NEMP2: variants seen among roughly 807,000 people sequenced by gnomAD.
NEMP2 encodes UPF0571 transmembrane protein.
A neutral mutation model predicts 54.2 loss-of-function variants in NEMP2; 53 were observed. The observed-to-expected ratio is 0.98, with a 90% CI of 0.78 to 1.23. The LOEUF is 1.23. NEMP2 is among the 50% of genes most tolerant of loss of function. NEMP2 has a pLI of 0.00. For synonymous variants in NEMP2, 197 were observed against 190.3 expected (o/e 1.04, Z -0.29); for missense variants, 455 against 511.3 (o/e 0.89, Z 1.06).
chr2:190,591,610 A>G, the NEMP2 span, among the ~76,000 whole-genome samples: 1 of 152,188 alleles, frequency 6.6e-6, no homozygotes, highest in Non-Finnish European at 1.5e-5. The surrounding 1 kb of genome is among the most constrained non-coding windows in gnomAD (Gnocchi z 5.4). Flanking sequence ...TCCAAAAGTG[A>G]TTATTCATAC....
chr2:190,617,823 T>C, the NEMP2 span, among the ~76,000 whole-genome samples: 1 of 152,234 alleles, frequency 6.6e-6, no homozygotes, highest in Non-Finnish European at 1.5e-5. This position sits in a 1 kb window ranked among gnomAD's most constrained non-coding sequence, Gnocchi z 5.0. Flanking sequence ...CAGTAGTCAT[T>C]TTTAACCTTA....
rs1299576949 is a variant in NEMP2, at chr2:190,514,373, G to A, written c.953+80C>T. The A allele has an allele frequency of 8.1e-7, 1 of 1,237,088 alleles. No homozygotes were observed. The highest frequency in any genetic ancestry group is 1.2e-6 in the Non-Finnish European group (1 of 866,186). The allele number at this position is 1,237,088 out of a possible 1,614,324, so 76.6% of individuals were successfully genotyped here. ...TCAAATGTAATTATGAGATTAACATGATGTGTGCAAACACTCTCCCAAATA... is the reference window on the plus strand; with the variant it reads ...TCAAATGTAATTATGAGATTAACATAATGTGTGCAAACACTCTCCCAAATA... On this transcript the variant is annotated intron_variant, in intron 7 of 8. Transcript: ENST00000409150. The surrounding 1 kb of genome is among the most constrained non-coding windows in gnomAD (Gnocchi z 5.7).
rs138706817 is a variant in NEMP2 at position 190,527,009 on chromosome 2, A to G, written c.98-1631T>C. On this transcript the variant is annotated intron_variant, in intron 1 of 8. Coordinates refer to ENST00000409150, the MANE Select transcript of NEMP2 (RefSeq NM_001142645.2). The surrounding 1 kb of genome is among the most constrained non-coding windows in gnomAD (Gnocchi z 4.0). ...CATTTTCTTCTGTGGTCGTTGCTGTATTTGGATTTGAAATGAAGTGGAATG... is the reference window on the plus strand; with the variant it reads ...CATTTTCTTCTGTGGTCGTTGCTGTGTTTGGATTTGAAATGAAGTGGAATG... Among the ~76,000 whole-genome samples, 41 of 152,298 alleles carry G rather than the reference A, an allele frequency of 2.7e-4. No individual in the cohort carries two copies. The highest frequency in any genetic ancestry group is 9.6e-4 in the African/African-American group (40 of 41,554).
chr2:190,573,821 T>C, the NEMP2 span, among the ~76,000 whole-genome samples: 12 of 152,248 alleles, frequency 7.9e-5, no homozygotes, highest in Non-Finnish European at 1.8e-4. Context: ...GCAAAAGTAA[T>C]TGTGGTTTTT....
At chr2:190,502,571 G>C (rs1243333241), downstream of NEMP2, among the ~76,000 whole-genome samples, 1 of 152,216 alleles carries the variant, frequency 6.6e-6, no homozygotes, top group Non-Finnish European at 1.5e-5. This position sits in a 1 kb window ranked among gnomAD's most constrained non-coding sequence, Gnocchi z 4.4. Flanking sequence ...CTCATGAAAA[G>C]TGTTAAGGAA....
At chr2:190,471,456 C>G in the NEMP2 span, among the ~76,000 whole-genome samples, 1 of 152,218 alleles carries the variant, frequency 6.6e-6, no homozygotes, top group Non-Finnish European at 1.5e-5. The surrounding 1 kb of genome is among the most constrained non-coding windows in gnomAD (Gnocchi z 4.7). Flanking sequence ...CCGCACCTGG[C>G]TTGGAGGGTC....
the NEMP2 span, among the ~76,000 whole-genome samples, chr2:190,466,496 CTT>C: frequency 6.6e-6 from 1 of 152,188 alleles, no homozygotes; most frequent in Non-Finnish European, 1.5e-5. Flanking sequence ...TGCGAATGCT[CTT>C]GTCTTTTGGA....
chr2:190,566,563 G>C, the NEMP2 span, among the ~76,000 whole-genome samples: 1 of 151,460 alleles, frequency 6.6e-6, no homozygotes, highest in Admixed American at 6.6e-5. Context: ...CTCCAGCCTG[G>C]GCTACAGGAG....
At chr2:190,575,674 G>A in the NEMP2 span, among the ~76,000 whole-genome samples, 4 of 152,274 alleles carry the variant, frequency 2.6e-5, no homozygotes, top group Admixed American at 1.3e-4. Flanking sequence ...GGCCAACATG[G>A]CGAAGCCTCG....
chr2:190,473,497 G>A, the NEMP2 span, among the ~76,000 whole-genome samples: 328 of 152,166 alleles, frequency 2.2e-3, no homozygotes, highest in Middle Eastern at 0.014. Context: ...AATGGTAAAG[G>A]GATCAATTCA....
the NEMP2 span, among the ~76,000 whole-genome samples, chr2:190,470,258 T>C: frequency 3.3e-5 from 5 of 152,260 alleles, no homozygotes; most frequent in Non-Finnish European, 7.3e-5. Flanking sequence ...ATAATTATTT[T>C]ATCTCTTCAG....
At chr2:190,629,889 C>A in the NEMP2 span, 2 of 152,196 alleles carry the variant, frequency 1.3e-5, no homozygotes, top group Non-Finnish European at 2.9e-5. Flanking sequence ...AATTTCAGAG[C>A]ATTTCTTCAA....
At chr2:190,611,595 C>A in the NEMP2 span, among the ~76,000 whole-genome samples, 1 of 152,196 alleles carries the variant, frequency 6.6e-6, no homozygotes, top group Non-Finnish European at 1.5e-5. The surrounding 1 kb of genome is among the most constrained non-coding windows in gnomAD (Gnocchi z 5.4). Context: ...TATGTTTACA[C>A]ACAAAATTTC....
At chr2:190,446,151 CCT>C in the NEMP2 span, among the ~76,000 whole-genome samples, 35 of 152,198 alleles carry the variant, frequency 2.3e-4, 1 homozygote, top group South Asian at 4.2e-4. Context: ...AGGATTCTCC[CCT>C]GTCTTGTGGT....
chr2:190,484,640 A>G, the NEMP2 span, among the ~76,000 whole-genome samples: 148 of 152,322 alleles, frequency 9.7e-4, no homozygotes, highest in African/African-American at 3.3e-3. Context: ...TAAGATTACT[A>G]GAAAGTTGCA....
the NEMP2 span, among the ~76,000 whole-genome samples, chr2:190,567,717 C>G: frequency 6.6e-6 from 1 of 152,100 alleles, no homozygotes; most frequent in Non-Finnish European, 1.5e-5. The surrounding 1 kb of genome is among the most constrained non-coding windows in gnomAD (Gnocchi z 4.0). Flanking sequence ...GGCATGATCT[C>G]GACTCACTGC....
the NEMP2 span, chr2:190,436,871 A>G: frequency 6.2e-7 from 1 of 1,614,248 alleles, no homozygotes; most frequent in Non-Finnish European, 8.5e-7. The surrounding 1 kb of genome is among the most constrained non-coding windows in gnomAD (Gnocchi z 5.3). Flanking sequence ...GTTTATGATC[A>G]ACAAGAAGTT....
the NEMP2 span, among the ~76,000 whole-genome samples, chr2:190,481,919 CAG>C: frequency 1.3e-5 from 2 of 152,348 alleles, no homozygotes; most frequent in South Asian, 4.1e-4. Context: ...CCAACTCTGA[CAG>C]AGAGACTGGC....
At chr2:190,552,205 T>C in the NEMP2 span, among the ~76,000 whole-genome samples, 1 of 152,200 alleles carries the variant, frequency 6.6e-6, no homozygotes, top group Non-Finnish European at 1.5e-5. Flanking sequence ...CAAGTTTCAT[T>C]GCTTCCCCCC....
Sources: gnomAD v4.1 joint callset for allele counts (sites outside exome capture counted in the v4.1 genomes callset) on GRCh38, gnomAD v4.1.1 for gene constraint, Gnocchi (gnomAD v3.1) non-coding constraint, MANE v1.5 for transcripts, NCBI Gene and HGNC (gene_info 2026-07-23, HGNC 2026-07-21) for gene names.